The following ADSL variants were observed in gnomAD, a reference collection of about 807,000 sequenced individuals.
ADSL encodes adenylosuccinate lyase, also known as adenylosuccinase.
In ADSL, 44 loss-of-function variants were observed where a neutral mutation model predicts 62.1. That is an observed-to-expected ratio of 0.71 (90% CI 0.56 to 0.91). ADSL has a LOEUF of 0.91. Among genes scored for constraint, ADSL ranks in the 40% least tolerant of loss-of-function variants. The probability of loss-of-function intolerance (pLI) is 0.00; values close to 1 mark genes in which losing one functional copy is unlikely to be tolerated. For synonymous variants in ADSL, 198 were observed against 220.5 expected (o/e 0.90, Z 0.90); for missense variants, 531 against 627.4 (o/e 0.85, Z 1.64).
rs116867660 is a variant in ADSL, at chr22:40,379,699, A to G, written c.90-10531A>G. ...TCTCTTTATTTCTTTGAACTTTGGTAGTATTTGTGGTCTCTGTTCTTATTA... is the reference window on the plus strand; with the variant it reads ...TCTCTTTATTTCTTTGAACTTTGGTGGTATTTGTGGTCTCTGTTCTTATTA... On this transcript the variant is annotated intron_variant, in intron 2 of 2. Coordinates refer to the ADSL transcript ENST00000498234. Among the ~76,000 whole-genome samples the G allele has an allele frequency of 2.0e-5, 3 of 152,080 alleles. No individual in the cohort carries two copies. In the East Asian group the frequency reaches 5.8e-4, roughly 29 times the overall value.
intron 2 of ADSL, among the ~76,000 whole-genome samples, chr22:40,377,845 C>CAA (rs35941683): frequency 1.1e-4 from 7 of 61,574 alleles, no homozygotes; most frequent in Non-Finnish European, 1.4e-4. Context: ...GACCCTGTCT[C>CAA]AAAAAAAAAA....
intron 1 of ADSL, chr22:40,348,816 A>C (rs1034739866): frequency 6.8e-5 from 26 of 382,574 alleles, no homozygotes; most frequent in Non-Finnish European, 1.2e-4. Flanking sequence ...GTTTCAAGTG[A>C]GGTTTAAATC....
downstream of ADSL, among the ~76,000 whole-genome samples, chr22:40,372,195 C>T (rs1389053489): frequency 7.7e-6 from 1 of 130,492 alleles, no homozygotes; most frequent in African/African-American, 2.9e-5. Flanking sequence ...GGCGCGATCT[C>T]GGCTCACTGC....
chr22:40,374,018 G>A (rs1275826834), downstream of ADSL, among the ~76,000 whole-genome samples: 1 of 151,764 alleles, frequency 6.6e-6, no homozygotes, highest in Non-Finnish European at 1.5e-5. Flanking sequence ...GCGTGATCTC[G>A]GCTCACTGCA....
At chr22:40,370,814 G>C (rs1327772597), downstream of ADSL, 2 of 152,216 alleles carry the variant, frequency 1.3e-5, no homozygotes, top group South Asian at 2.1e-4. Context: ...GCGCCCACGA[G>C]AGAAGCACCG....
downstream of ADSL, among the ~76,000 whole-genome samples, chr22:40,370,354 C>CAAAAAAAAA (rs11328048): frequency 4.6e-5 from 4 of 86,376 alleles, no homozygotes; most frequent in African/African-American, 1.8e-4. Flanking sequence ...GACTCCATCT[C>CAAAAAAAAA]AAAAAAAAAA....
chr22:40,364,090 A>T lies in ADSL; in HGVS notation c.1102-186A>T, dbSNP rs182616732. On this transcript the variant is annotated intron_variant, in intron 10 of 12. Coordinates refer to ENST00000623063, the MANE Select transcript of ADSL (RefSeq NM_000026.4). ...AGACTCTGTCTCAAAAAAAAAAGAA[A>T]AAAAAAATCCGAAGTCTGAGTTAGT... Among the ~76,000 whole-genome samples, 22 of 152,312 alleles carry T rather than the reference A, an allele frequency of 1.4e-4. No homozygotes were observed. In the East Asian group the frequency reaches 3.3e-3, roughly 23 times the overall value.
intron 1 of ADSL, among the ~76,000 whole-genome samples, chr22:40,347,123 T>G (rs1285804944): frequency 6.6e-6 from 1 of 152,254 alleles, no homozygotes; most frequent in African/African-American, 2.4e-5. Context: ...TTTCCCACAT[T>G]GCAGGGGAGA....
At chr22:40,351,321 C>T (rs553621455) in intron 2 of ADSL, among the ~76,000 whole-genome samples, 2 of 152,216 alleles carry the variant, frequency 1.3e-5, no homozygotes, top group East Asian at 1.9e-4. Context: ...TAGGCGCCTG[C>T]CGCCACGCCC....
chr22:40,354,868 CAA>C (rs58428966), intron 4 of ADSL, among the ~76,000 whole-genome samples: 20 of 70,170 alleles, frequency 2.9e-4, no homozygotes, highest in Admixed American at 6.7e-4. Flanking sequence ...GACTCCGTCT[CAA>C]AAAAAAAAAA....
chr22:40,359,821 A>G (rs1360498845), intron 6 of ADSL, among the ~76,000 whole-genome samples: 1 of 152,166 alleles, frequency 6.6e-6, no homozygotes, highest in Non-Finnish European at 1.5e-5. Context: ...ATGAGCCACC[A>G]TGCCTGACCT....
chr22:40,364,101 G>C (rs2044902347), intron 10 of ADSL, among the ~76,000 whole-genome samples, 175 bp from the exon 11 acceptor site: 1 of 151,806 alleles, frequency 6.6e-6, no homozygotes. Flanking sequence ...AAAAAAATCC[G>C]AAGTCTGAGT....
intron 2 of ADSL, among the ~76,000 whole-genome samples, chr22:40,375,697 T>G (rs566612385): frequency 2.0e-5 from 3 of 151,796 alleles, no homozygotes; most frequent in South Asian, 4.2e-4. Flanking sequence ...CAAAATTATG[T>G]GACTTTTCTC....
chr22:40,387,474 A>G (rs1569160764), intron 2 of ADSL: 3 of 336,672 alleles, frequency 8.9e-6, no homozygotes, highest in Non-Finnish European at 1.1e-5. Context: ...TATATTTATG[A>G]TCTCCTCTTA....
chr22:40,350,685 C>G (rs561253987), intron 2 of ADSL, among the ~76,000 whole-genome samples: 4 of 151,746 alleles, frequency 2.6e-5, no homozygotes, highest in African/African-American at 9.7e-5. Flanking sequence ...GTGGCATGAT[C>G]TTGGCTCACT....
chr22:40,359,164 G>A lies in ADSL; in HGVS notation c.655-96G>A, dbSNP rs8192459. ...GGTCTTTCGACTAGAAGGAAGTTGT[G>A]GGGGTTAGGGAGCGAGACCTGGGTA... On this transcript the variant is annotated intron_variant, in intron 5 of 12. Coordinates refer to ENST00000623063, the MANE Select transcript of ADSL (RefSeq NM_000026.4). 5,338 of 1,580,732 alleles carry A rather than the reference G, an allele frequency of 3.4e-3. 15 individuals carry two copies. Among genetic ancestry groups the A allele is most frequent in the Non-Finnish European group, 4.2e-3 (4,863 of 1,149,720 alleles).
chr22:40,378,033 A>G (rs967627500), intron 2 of ADSL: 2 of 152,186 alleles, frequency 1.3e-5, no homozygotes, highest in Admixed American at 6.5e-5. Flanking sequence ...AGGCAGGGCT[A>G]TCCACAGGTG....
At chr22:40,381,470 A>C (rs2047573083) in intron 2 of ADSL, among the ~76,000 whole-genome samples, 1 of 152,224 alleles carries the variant, frequency 6.6e-6, no homozygotes, top group African/African-American at 2.4e-5. Context: ...TAACGATGCA[A>C]GATAGTGCAT....
rs780529556 is a variant in ADSL at position 40,367,581 on chromosome 22, C to G, written c.*1059C>G. On this transcript the variant is annotated 3_prime_UTR_variant, in exon 13 of 13. Coordinates refer to ENST00000623063, the MANE Select transcript of ADSL (RefSeq NM_000026.4). ...CTAGGCAGTCTTCCAGCTTCTGCCA[C>G]TGCGCCCGACTTCCTTGTTGCATGG... 3.6e-5 allele frequency: 6 copies of G among 167,580 alleles called. No homozygotes were observed. Among genetic ancestry groups the G allele is most frequent in the African/African-American group, 7.2e-5 (3 of 41,442 alleles). 10.4% of individuals were successfully genotyped at this position (167,580 alleles called of 1,614,324 possible).
Sources: allele counts gnomAD v4.1 joint callset (sites outside exome capture counted in the v4.1 genomes callset), GRCh38; gene constraint gnomAD v4.1.1; transcripts MANE v1.5; gene names NCBI Gene and HGNC (gene_info 2026-07-23, HGNC 2026-07-21).